GAS2: variants seen among roughly 807,000 people sequenced by gnomAD.
GAS2 encodes the protein growth arrest-specific protein 2.
GAS2 carries 20 observed loss-of-function variants against 37.5 expected under a neutral mutation model. That is an observed-to-expected ratio of 0.53 (90% CI 0.37 to 0.77). The LOEUF (loss-of-function observed/expected upper bound fraction) is 0.77. GAS2 is among the 30% of genes least tolerant of loss of function. GAS2 has a pLI of 0.00. For synonymous variants in GAS2, 144 were observed against 132.2 expected (o/e 1.09, Z -0.61); for missense variants, 336 against 373.4 (o/e 0.90, Z 0.82).
At chr11:22,649,535 T>A (rs1223343923) in intron 1 of GAS2, among the ~76,000 whole-genome samples, 2 of 152,152 alleles carry the variant, frequency 1.3e-5, no homozygotes, top group Non-Finnish European at 2.9e-5. Flanking sequence ...CGGCTGTGAA[T>A]CCATCTGGTC....
chr11:22,762,792 A>T (rs939616335), intron 7 of GAS2, among the ~76,000 whole-genome samples: 3 of 152,180 alleles, frequency 2.0e-5, no homozygotes, highest in Non-Finnish European at 4.4e-5. Flanking sequence ...TATCTCCTTA[A>T]TAGGCAAAAT....
intron 3 of GAS2, among the ~76,000 whole-genome samples, chr11:22,698,126 A>T (rs1183262871): frequency 6.6e-6 from 1 of 152,134 alleles, no homozygotes; most frequent in Non-Finnish European, 1.5e-5. Flanking sequence ...CGCTAGCAAG[A>T]CTAATAAAGA....
chr11:22,812,088 C>G lies in GAS2; in HGVS notation c.*72C>G, dbSNP rs1176484784. The stretch of plus-strand genomic sequence containing the variant: ...CTTCTCCAGTATAGTCAGTTTAGTT[C>G]ATATGTTCTGAAAACTGTTTTGGAG... On this transcript the variant is annotated 3_prime_UTR_variant, in exon 8 of 8. Transcript: ENST00000454584. 6 of 1,122,796 alleles carry G rather than the reference C, an allele frequency of 5.3e-6. No individual in the cohort carries two copies. In the East Asian group the frequency reaches 1.4e-4, roughly 27 times the overall value. 69.6% of individuals were successfully genotyped at this position (1,122,796 alleles called of 1,614,324 possible).
In GAS2 at chr11:22,651,370, G is replaced by C. The variant is rs1410423581; in HGVS notation, c.-20-23480G>C. 6.6e-5 allele frequency among the ~76,000 whole-genome samples: 10 copies of C among 152,236 alleles called. No individual in the cohort carries two copies. In the South Asian group the frequency reaches 8.3e-4, roughly 13 times the overall value. On this transcript the variant is annotated intron_variant, in intron 1 of 5. Coordinates refer to the GAS2 transcript ENST00000528582. ...CTTAACATTTTTTCCTTCATTTCAA[G>C]TTTGGTGAATCTGACAATTATGTGT...
upstream of GAS2, among the ~76,000 whole-genome samples, chr11:22,663,350 G>T (rs939950055): frequency 1.3e-5 from 2 of 151,992 alleles, no homozygotes; most frequent in African/African-American, 4.8e-5. Flanking sequence ...GATAGCTAGA[G>T]CCTGAAGGTC....
At chr11:22,792,098 G>A (rs1468760823) in intron 7 of GAS2, among the ~76,000 whole-genome samples, 1 of 152,186 alleles carries the variant, frequency 6.6e-6, no homozygotes. Flanking sequence ...TGGGTTACTG[G>A]AGAAAGAAAA....
At chr11:22,706,992 A>G (rs1266490369) in intron 3 of GAS2, among the ~76,000 whole-genome samples, 1 of 152,044 alleles carries the variant, frequency 6.6e-6, no homozygotes, top group Admixed American at 6.6e-5. Context: ...TCTCTCCAGC[A>G]CCTGTTGTTT....
intron 3 of GAS2, among the ~76,000 whole-genome samples, chr11:22,711,076 A>G (rs997420796): frequency 6.6e-6 from 1 of 152,182 alleles, no homozygotes. Context: ...AAACAGAAAT[A>G]ATTCACAGAC....
intron 3 of GAS2, among the ~76,000 whole-genome samples, chr11:22,714,343 T>A (rs775405153): frequency 1.6e-4 from 25 of 152,126 alleles, no homozygotes; most frequent in Non-Finnish European, 3.2e-4. Flanking sequence ...TAAATACATA[T>A]GCACCTAACA....
chr11:22,652,993 G>GTCTTTTTT (rs1554965876), intron 1 of GAS2, among the ~76,000 whole-genome samples: 8 of 97,036 alleles, frequency 8.2e-5, no homozygotes, highest in Non-Finnish European at 1.2e-4. Context: ...TTCTTTCTTT[G>GTCTTTTTT]TCTTTCTTTC....
chr11:22,755,678 C>G, intron 6 of GAS2, 168 bp from the exon 7 acceptor site: 1 of 529,900 alleles, frequency 1.9e-6, no homozygotes, highest in Non-Finnish European at 3.3e-6. Flanking sequence ...GGGGCCTGAA[C>G]TTTACATGGT....
upstream of GAS2, among the ~76,000 whole-genome samples, chr11:22,664,606 A>G (rs1474097019): frequency 6.6e-6 from 1 of 152,158 alleles, no homozygotes; most frequent in Non-Finnish European, 1.5e-5. Context: ...TTGCATTCAC[A>G]TTAGAGAAGC....
upstream of GAS2, among the ~76,000 whole-genome samples, chr11:22,661,981 A>T (rs957467934): frequency 2.0e-5 from 3 of 152,196 alleles, no homozygotes; most frequent in Non-Finnish European, 4.4e-5. Context: ...AGTGCAATAT[A>T]ATAGTAAAGT....
At chr11:22,639,028 A>G (rs1161839105) in intron 1 of GAS2, among the ~76,000 whole-genome samples, 4 of 152,180 alleles carry the variant, frequency 2.6e-5, no homozygotes, top group African/African-American at 9.7e-5. Context: ...AGTGGCAACT[A>G]TAAAGAGCAA....
At chr11:22,787,969 G>A (rs926611654) in intron 7 of GAS2, among the ~76,000 whole-genome samples, 1 of 152,172 alleles carries the variant, frequency 6.6e-6, no homozygotes, top group African/African-American at 2.4e-5. Context: ...AAGTGGAATG[G>A]TTTATTGGCT....
intron 7 of GAS2, among the ~76,000 whole-genome samples, chr11:22,784,272 G>A (rs949019119): frequency 6.6e-6 from 1 of 152,108 alleles, no homozygotes; most frequent in Admixed American, 6.5e-5. Context: ...TGTATTTTCT[G>A]TTATAAACTA....
chr11:22,697,376 A>G (rs1291097678), intron 3 of GAS2, among the ~76,000 whole-genome samples: 3 of 152,154 alleles, frequency 2.0e-5, no homozygotes, highest in Admixed American at 6.5e-5. Context: ...GTCAGGTAGC[A>G]TGATTCCTCC....
At chr11:22,743,563 C>T (rs1853212945) in intron 5 of GAS2, among the ~76,000 whole-genome samples, 1 of 152,030 alleles carries the variant, frequency 6.6e-6, no homozygotes, top group South Asian at 2.1e-4. Flanking sequence ...ATGTCAGATG[C>T]ATTGAAGATG....
chr11:22,799,082 A>G (rs561386983), intron 7 of GAS2, among the ~76,000 whole-genome samples: 26 of 152,222 alleles, frequency 1.7e-4, no homozygotes, highest in African/African-American at 4.6e-4. Flanking sequence ...GTTGGGAAGC[A>G]TATGATATCC....
Sources: gnomAD v4.1 joint callset for allele counts (sites outside exome capture counted in the v4.1 genomes callset) on GRCh38, gnomAD v4.1.1 for gene constraint, MANE v1.5 for transcripts, NCBI Gene and HGNC (gene_info 2026-07-23, HGNC 2026-07-21) for gene names.